Variants in EYS observed in about 807,000 individuals in gnomAD.
The protein encoded by EYS is EGF-like photoreceptor maintenance factor.
A neutral mutation model predicts 282.1 loss-of-function variants in EYS; 250 were observed. That is an observed-to-expected ratio of 0.89 (90% CI 0.80 to 0.98). The LOEUF is 0.98. Among genes scored for constraint, EYS ranks in the 50% least tolerant of loss-of-function variants. EYS has a pLI of 0.00. For synonymous variants in EYS, 1,355 were observed against 1,282.9 expected (o/e 1.06, Z -1.20); for missense variants, 4,016 against 3,709.0 (o/e 1.08, Z -2.15).
intron 35 of EYS, among the ~76,000 whole-genome samples, chr6:63,954,682 A>C (rs942173918): frequency 6.6e-6 from 1 of 152,058 alleles, no homozygotes. Context: ...TCCTCACGGC[A>C]GTTGTTCTTC....
intron 5 of EYS, among the ~76,000 whole-genome samples, chr6:65,467,177 G>C: frequency 6.6e-6 from 1 of 152,112 alleles, no homozygotes; most frequent in Admixed American, 6.6e-5. Flanking sequence ...TGAGCTAACA[G>C]ATATCAGTCT....
At chr6:65,127,688 A>G (rs1581934526) in intron 12 of EYS, among the ~76,000 whole-genome samples, 1 of 152,210 alleles carries the variant, frequency 6.6e-6, no homozygotes, top group South Asian at 2.1e-4. Context: ...CATTGAACAC[A>G]TGTTTACTCA....
At chr6:65,656,973 A>G (rs375653482) in intron 1 of EYS, among the ~76,000 whole-genome samples, 4 of 151,842 alleles carry the variant, frequency 2.6e-5, no homozygotes, top group East Asian at 3.9e-4. Context: ...CTCATTTACT[A>G]TTTTGAACAT....
At chr6:65,314,704 C>A (rs1235477235) in intron 11 of EYS, among the ~76,000 whole-genome samples, 3 of 151,282 alleles carry the variant, frequency 2.0e-5, no homozygotes, top group Non-Finnish European at 4.4e-5. Flanking sequence ...CCAAGAACAT[C>A]ATTTATTCAG....
intron 35 of EYS, among the ~76,000 whole-genome samples, chr6:63,867,980 A>G (rs1384310885): frequency 6.6e-6 from 1 of 152,170 alleles, no homozygotes; most frequent in Non-Finnish European, 1.5e-5. Flanking sequence ...GTGTCCTTAC[A>G]GGATATTATA....
intron 31 of EYS, among the ~76,000 whole-genome samples, chr6:64,117,880 C>G (rs1395547509): frequency 6.6e-6 from 1 of 151,770 alleles, no homozygotes; most frequent in African/African-American, 2.4e-5. Context: ...AATCAACATA[C>G]AAAAATAAGT....
intron 22 of EYS, among the ~76,000 whole-genome samples, chr6:64,801,322 G>T (rs906584837): frequency 3.3e-5 from 5 of 152,060 alleles, no homozygotes; most frequent in Admixed American, 2.6e-4. Context: ...TCTCACCACT[G>T]ATAACTCAAA....
At chr6:64,358,916 C>T (rs1302949358) in intron 29 of EYS, among the ~76,000 whole-genome samples, 3 of 151,640 alleles carry the variant, frequency 2.0e-5, no homozygotes, top group Admixed American at 6.6e-5. Flanking sequence ...ATAATTTTGT[C>T]ATCAAAGAGA....
intron 35 of EYS, among the ~76,000 whole-genome samples, chr6:63,958,307 A>G (rs1391562171): frequency 7.1e-6 from 1 of 141,092 alleles, no homozygotes; most frequent in African/African-American, 2.4e-5. Flanking sequence ...GAGAAAAAAT[A>G]ATATAAATAC....
chr6:63,782,347 C>A (rs1014082124), intron 39 of EYS, among the ~76,000 whole-genome samples: 6 of 152,136 alleles, frequency 3.9e-5, no homozygotes, highest in African/African-American at 9.7e-5. Context: ...CTTTGTACCT[C>A]TGGTGGAATT....
At chr6:63,857,507 A>T (rs1287436868) in intron 36 of EYS, 2 of 234,046 alleles carry the variant, frequency 8.5e-6, no homozygotes, top group Admixed American at 8.7e-5. Flanking sequence ...TCAAAGCCAT[A>T]AGTACTATTT....
chr6:65,398,969 C>T (rs1168638402), intron 7 of EYS, among the ~76,000 whole-genome samples: 1 of 152,068 alleles, frequency 6.6e-6, no homozygotes, highest in Non-Finnish European at 1.5e-5. Flanking sequence ...CACATCTAAT[C>T]CTTCAGCAAA....
At chr6:64,000,613 T>C (rs1392015154) in intron 33 of EYS, among the ~76,000 whole-genome samples, 7 of 152,188 alleles carry the variant, frequency 4.6e-5, no homozygotes, top group Non-Finnish European at 8.8e-5. Flanking sequence ...AATAACTTAG[T>C]AATATTTTTT....
At chr6:65,035,241 C>T (rs759262453) in intron 13 of EYS, among the ~76,000 whole-genome samples, 50 of 152,052 alleles carry the variant, frequency 3.3e-4, no homozygotes, top group Non-Finnish European at 4.6e-4. Context: ...CTATGACAAA[C>T]ACACATCATA....
chr6:65,370,765 G>A (rs116335445), intron 8 of EYS, among the ~76,000 whole-genome samples: 9 of 151,870 alleles, frequency 5.9e-5, no homozygotes, highest in South Asian at 4.2e-4. Context: ...TATAGTCTGC[G>A]CACTTCCTAT....
intron 33 of EYS, among the ~76,000 whole-genome samples, chr6:64,018,777 T>TG (rs1562153764): frequency 8.3e-5 from 11 of 132,764 alleles, no homozygotes; most frequent in African/African-American, 2.9e-4. Context: ...TTTTTTTTTT[T>TG]TTTTTTTTTT....
intron 29 of EYS, among the ~76,000 whole-genome samples, chr6:64,364,847 T>C (rs1772135307): frequency 6.6e-6 from 1 of 151,924 alleles, no homozygotes. Flanking sequence ...TCAGACTTCA[T>C]TACTGCACAA....
chr6:65,610,585 A>C (rs1156792687), intron 2 of EYS, among the ~76,000 whole-genome samples: 3 of 152,114 alleles, frequency 2.0e-5, no homozygotes, highest in Non-Finnish European at 4.4e-5. Context: ...CTATATATAA[A>C]GCAAATTATT....
At chr6:64,139,384 C>T (rs1265781023) in intron 31 of EYS, among the ~76,000 whole-genome samples, 1 of 151,956 alleles carries the variant, frequency 6.6e-6, no homozygotes, top group Non-Finnish European at 1.5e-5. Flanking sequence ...GCAGCAAGGG[C>T]TTTCTTGAGA....
Sources: gnomAD v4.1 joint callset for allele counts (sites outside exome capture counted in the v4.1 genomes callset) on GRCh38, gnomAD v4.1.1 for gene constraint, MANE v1.5 for transcripts, NCBI Gene and HGNC (gene_info 2026-07-23, HGNC 2026-07-21) for gene names.